Variants in LRGUK observed in about 807,000 individuals in gnomAD.
LRGUK encodes the protein leucine rich repeats and guanylate kinase domain containing, also known as leucine-rich repeat and guanylate kinase domain-containing protein.
Under a neutral mutation model 76.0 loss-of-function variants are expected in LRGUK, and 65 were observed. That is an observed-to-expected ratio of 0.85 (90% CI 0.70 to 1.05). The LOEUF (loss-of-function observed/expected upper bound fraction) is 1.05, where lower values mean the gene tolerates loss of function less well. Ranked by LOEUF, LRGUK falls within the 50% of genes least tolerant of loss-of-function variation. The pLI is 0.00. For synonymous variants in LRGUK, 268 were observed against 265.6 expected (o/e 1.01, Z -0.09); for missense variants, 758 against 732.8 (o/e 1.03, Z -0.40).
chr7:134,145,123 T>C (rs954676103), intron 4 of LRGUK, among the ~76,000 whole-genome samples: 1 of 152,144 alleles, frequency 6.6e-6, no homozygotes, highest in Non-Finnish European at 1.5e-5. Context: ...GCAAATATAT[T>C]GGTCATTTTA....
chr7:134,225,058 GAA>G (rs111572160), intron 16 of LRGUK, among the ~76,000 whole-genome samples: 4 of 55,398 alleles, frequency 7.2e-5, no homozygotes, highest in African/African-American at 2.2e-4. Flanking sequence ...ATCTCAAAAA[GAA>G]AAAAAAAAAA....
At chr7:134,227,667 C>A (rs1266348318) in intron 16 of LRGUK, among the ~76,000 whole-genome samples, 1 of 151,764 alleles carries the variant, frequency 6.6e-6, no homozygotes, top group Non-Finnish European at 1.5e-5. Context: ...TTATAATGGC[C>A]AAGATATAAG....
intron 11 of LRGUK, among the ~76,000 whole-genome samples, chr7:134,184,414 C>T (rs538883760): frequency 3.3e-5 from 5 of 151,784 alleles, no homozygotes; most frequent in African/African-American, 9.7e-5. Flanking sequence ...GGACTACAGG[C>T]GGCTGCCACC....
At chr7:134,184,423 C>A (rs1171280458) in intron 11 of LRGUK, among the ~76,000 whole-genome samples, 4 of 151,892 alleles carry the variant, frequency 2.6e-5, no homozygotes, top group African/African-American at 9.7e-5. Flanking sequence ...GCGGCTGCCA[C>A]CATGCCTGGC....
At chr7:134,190,053 C>T (rs1800135262) in intron 11 of LRGUK, among the ~76,000 whole-genome samples, 1 of 152,164 alleles carries the variant, frequency 6.6e-6, no homozygotes, top group Non-Finnish European at 1.5e-5. Context: ...TTGAGTCATC[C>T]TGGCGTTGCT....
exon 1 of LRGUK, chr7:134,127,483 A>G (rs757168128): frequency 6.2e-7 from 1 of 1,614,002 alleles, no homozygotes; most frequent in African/African-American, 1.3e-5. Flanking sequence ...AAAGAGCGTC[A>G]GCCTTGCTGG....
intron 16 of LRGUK, among the ~76,000 whole-genome samples, chr7:134,234,936 A>T (rs1801980229): frequency 6.6e-6 from 1 of 152,214 alleles, no homozygotes; most frequent in African/African-American, 2.4e-5. Context: ...TCCCAACCCA[A>T]TATCCAATCT....
chr7:134,192,333 T>C (rs1008066090), intron 12 of LRGUK, among the ~76,000 whole-genome samples: 20 of 152,350 alleles, frequency 1.3e-4, no homozygotes, highest in African/African-American at 4.6e-4. Flanking sequence ...CTAATGCAGA[T>C]GGCAGCCCTT....
At chr7:134,148,454 G>T in intron 5 of LRGUK, 135 bp downstream of exon 5, 1 of 595,010 alleles carries the variant, frequency 1.7e-6, no homozygotes. Context: ...TTATTTAAAG[G>T]ACTAGGAATT....
chr7:134,207,996 C>T (rs1585557231), intron 15 of LRGUK, among the ~76,000 whole-genome samples: 1 of 152,172 alleles, frequency 6.6e-6, no homozygotes, highest in East Asian at 1.9e-4. Context: ...TGTGTAACAC[C>T]AGCATTGCTA....
Position 134,145,718 on chromosome 7 carries a change from G to A in LRGUK, c.589-2520G>A, listed in dbSNP as rs1482740701. On this transcript the variant is annotated intron_variant, in intron 4 of 15. Transcript: ENST00000645682. Reference sequence around the variant, plus strand: ...AGACCCCATGGCCCACATCTTTCCAGTAAGTCAGGCTCATGTACTATGCTC... The same window carrying A: ...AGACCCCATGGCCCACATCTTTCCAATAAGTCAGGCTCATGTACTATGCTC... Among the ~76,000 whole-genome samples, 6 of 152,288 alleles carry A rather than the reference G, an allele frequency of 3.9e-5. No homozygotes were observed. The East Asian group carries it at 1.2e-3, about 29-fold the overall frequency.
chr7:134,224,035 C>G (rs997315067), intron 16 of LRGUK, among the ~76,000 whole-genome samples: 1 of 152,192 alleles, frequency 6.6e-6, no homozygotes, highest in Non-Finnish European at 1.5e-5. Context: ...ACTCTTTGTC[C>G]TTCCAGTCCT....
intron 16 of LRGUK, among the ~76,000 whole-genome samples, chr7:134,222,540 T>C (rs1489277278): frequency 6.6e-6 from 1 of 152,182 alleles, no homozygotes; most frequent in Non-Finnish European, 1.5e-5. Context: ...AACAGAACTT[T>C]TTGTTTTGGT....
In LRGUK at chr7:134,260,160, G is replaced by A. The variant is rs186024260; in HGVS notation, c.2347+1755G>A. Among the ~76,000 whole-genome samples the A allele has an allele frequency of 2.0e-3, 301 of 151,774 alleles. 2 individuals are homozygous for A. Among genetic ancestry groups the A allele is most frequent in the African/African-American group, 6.3e-3 (261 of 41,372 alleles). On this transcript the variant is annotated intron_variant, in intron 19 of 19. Transcript: ENST00000285928. ...TGGGAATAATAACATAATATCTGTCGTATAATAATATGGTATTATCACATA... is the reference window on the plus strand; with the variant it reads ...TGGGAATAATAACATAATATCTGTCATATAATAATATGGTATTATCACATA...
intron 15 of LRGUK, among the ~76,000 whole-genome samples, chr7:134,219,749 C>A (rs927949471): frequency 6.6e-6 from 1 of 152,036 alleles, no homozygotes; most frequent in Non-Finnish European, 1.5e-5. Context: ...ACACTGAATT[C>A]TTTACTGTGA....
At chr7:134,246,962 T>G (rs1046809612) in intron 16 of LRGUK, among the ~76,000 whole-genome samples, 2 of 152,230 alleles carry the variant, frequency 1.3e-5, no homozygotes, top group Non-Finnish European at 2.9e-5. Flanking sequence ...AAACAACATG[T>G]GCCATCTGGG....
At chr7:134,251,689 C>G (rs924559021) in intron 18 of LRGUK, among the ~76,000 whole-genome samples, 17 of 152,100 alleles carry the variant, frequency 1.1e-4, no homozygotes, top group African/African-American at 4.1e-4. Flanking sequence ...ATCTTTATCA[C>G]TTTGGGTTAT....
chr7:134,200,335 C>A (rs548249501), intron 14 of LRGUK, among the ~76,000 whole-genome samples: 1 of 151,962 alleles, frequency 6.6e-6, no homozygotes, highest in East Asian at 1.9e-4. Flanking sequence ...CCGCACCTGG[C>A]AAATTTCTAT....
intron 16 of LRGUK, among the ~76,000 whole-genome samples, chr7:134,234,691 C>A (rs1228301896): frequency 6.6e-6 from 1 of 152,088 alleles, no homozygotes; most frequent in Non-Finnish European, 1.5e-5. Context: ...TTCTCTTTTT[C>A]TTTCCAATTT....
Sources: gnomAD v4.1 joint callset for allele counts (sites outside exome capture counted in the v4.1 genomes callset) on GRCh38, gnomAD v4.1.1 for gene constraint, MANE v1.5 for transcripts, NCBI Gene and HGNC (gene_info 2026-07-23, HGNC 2026-07-21) for gene names.